SYNRG: variants seen among roughly 807,000 people sequenced by gnomAD.
The protein encoded by SYNRG is AP1 gamma subunit binding protein 1.
In SYNRG, 37 loss-of-function variants were observed where a neutral mutation model predicts 130.9. The observed-to-expected ratio is 0.28, with a 90% CI of 0.22 to 0.37. The LOEUF (loss-of-function observed/expected upper bound fraction) is 0.37, where lower values mean the gene tolerates loss of function less well. SYNRG is among the 10% of genes least tolerant of loss of function. The probability of loss-of-function intolerance (pLI) is 1.00; values close to 1 mark genes in which losing one functional copy is unlikely to be tolerated. For synonymous variants in SYNRG, 539 were observed against 568.1 expected, an observed-to-expected ratio of 0.95 and a Z score of 0.73; for missense variants, 1,338 against 1,588.9, an observed-to-expected ratio of 0.84 and a Z score of 2.68.
At chr17:37,560,053 A>C (rs564126222) in intron 13 of SYNRG, among the ~76,000 whole-genome samples, 1 of 152,038 alleles carries the variant, frequency 6.6e-6, no homozygotes, top group African/African-American at 2.4e-5. Flanking sequence ...GTGCACCACC[A>C]TATCTGGCTT....
chr17:37,601,869 TG>T (rs1668039048), intron 1 of SYNRG, among the ~76,000 whole-genome samples: 1 of 151,928 alleles, frequency 6.6e-6, no homozygotes, highest in East Asian at 2.0e-4. Flanking sequence ...TTCACCATGA[TG>T]GCCAGGCTGG....
intron 10 of SYNRG, among the ~76,000 whole-genome samples, chr17:37,570,073 C>A (rs186364172): frequency 2.0e-5 from 3 of 149,922 alleles, no homozygotes; most frequent in Non-Finnish European, 4.4e-5. Flanking sequence ...TTTGCTAATT[C>A]GAGTTACTAT....
At chr17:37,580,510 T>TGTGTGTGTGTGTGTGTGA (rs1384344164) in intron 6 of SYNRG, among the ~76,000 whole-genome samples, 165 of 127,700 alleles carry the variant, frequency 1.3e-3, no homozygotes, top group African/African-American at 5.6e-3. Flanking sequence ...TGTGTGTGTG[T>TGTGTGTGTGTGTGTGTGA]GAGAGAGAGA....
intron 3 of SYNRG, among the ~76,000 whole-genome samples, chr17:37,594,788 C>T (rs2062610365): frequency 6.6e-6 from 1 of 152,168 alleles, no homozygotes; most frequent in Admixed American, 6.5e-5. Context: ...AAGAGAACTA[C>T]ACATCCCTAT....
At chr17:37,591,069 T>TA (rs1394065151) in intron 3 of SYNRG, among the ~76,000 whole-genome samples, 1 of 152,096 alleles carries the variant, frequency 6.6e-6, no homozygotes, top group Non-Finnish European at 1.5e-5. Flanking sequence ...CTACCCATAT[T>TA]AAAAAATCCC....
At chr17:37,604,817 G>C (rs1448591278) in intron 1 of SYNRG, among the ~76,000 whole-genome samples, 1 of 152,174 alleles carries the variant, frequency 6.6e-6, no homozygotes, top group Non-Finnish European at 1.5e-5. Flanking sequence ...GGGTTAATCA[G>C]CCTAATTTCA....
intron 1 of SYNRG, among the ~76,000 whole-genome samples, chr17:37,604,959 G>A (rs2147150121): frequency 6.6e-6 from 1 of 152,244 alleles, no homozygotes; most frequent in East Asian, 1.9e-4. Context: ...TGGGTTTGTG[G>A]TGCTCCAAAA....
intron 1 of SYNRG, among the ~76,000 whole-genome samples, chr17:37,604,165 G>C (rs149201974): frequency 6.6e-6 from 1 of 151,744 alleles, no homozygotes; most frequent in Non-Finnish European, 1.5e-5. Flanking sequence ...ACTTGAACCC[G>C]GGAGGCGAAG....
At chr17:37,583,809 C>T (rs1342414016) in intron 6 of SYNRG, among the ~76,000 whole-genome samples, 1 of 152,168 alleles carries the variant, frequency 6.6e-6, no homozygotes, top group African/African-American at 2.4e-5. Context: ...ATTCTCCTGC[C>T]TCAGCTTCCC....
At chr17:37,593,527 T>G (rs1194735940) in intron 3 of SYNRG, among the ~76,000 whole-genome samples, 1 of 152,170 alleles carries the variant, frequency 6.6e-6, no homozygotes, top group African/African-American at 2.4e-5. Context: ...TGTCCCTGAT[T>G]GGTTAGGGCT....
chr17:37,516,890 C>A lies in SYNRG; in HGVS notation c.*2050G>T, dbSNP rs1338178998. 1.3e-5 allele frequency: 2 copies of A among 152,140 alleles called. No homozygotes were observed. Among genetic ancestry groups the A allele is most frequent in the Admixed American group, 6.5e-5 (1 of 15,286 alleles). The allele number at this position is 152,140 out of a possible 1,614,324, so 9.4% of individuals were successfully genotyped here. On this transcript the variant is annotated 3_prime_UTR_variant, in exon 22 of 22. Coordinates refer to ENST00000612223, the MANE Select transcript of SYNRG (RefSeq NM_007247.6). ...TGGTCTCTAACTCCTGGGAAACATT[C>A]TTATTGCAAAGGTAGATTCTGCTGT...
At chr17:37,539,385 TTTTG>T in intron 16 of SYNRG, 140 bp from the exon 17 acceptor site, 2 of 910,282 alleles carry the variant, frequency 2.2e-6, no homozygotes, top group South Asian at 1.7e-5. Context: ...TTTTTTTTGT[TTTTG>T]TTTTTGTTTT....
chr17:37,575,074 A>G (rs570609332), intron 8 of SYNRG, among the ~76,000 whole-genome samples: 4 of 152,262 alleles, frequency 2.6e-5, no homozygotes, highest in Non-Finnish European at 5.9e-5. Context: ...ATATATTCTC[A>G]TTCATTTGTG....
intron 4 of SYNRG, among the ~76,000 whole-genome samples, chr17:37,585,647 T>C (rs1190482401): frequency 1.3e-5 from 2 of 152,238 alleles, no homozygotes; most frequent in Non-Finnish European, 2.9e-5. Context: ...CTAAATTATG[T>C]ATATGAATTT....
At chr17:37,565,697 C>CGA (rs2059897402) in intron 11 of SYNRG, among the ~76,000 whole-genome samples, 1 of 151,396 alleles carries the variant, frequency 6.6e-6, no homozygotes, top group African/African-American at 2.4e-5. Context: ...TGCCCCGCCG[C>CGA]CCCATCTGGG....
chr17:37,564,649 C>A (rs2059787388), intron 11 of SYNRG, among the ~76,000 whole-genome samples: 1 of 152,184 alleles, frequency 6.6e-6, no homozygotes, highest in African/African-American at 2.4e-5. Context: ...CAAGTAATGC[C>A]CATTTTCTGT....
At chr17:37,542,633 A>G in intron 14 of SYNRG, 68 bp from the exon 15 acceptor site, 1 of 1,168,562 alleles carries the variant, frequency 8.6e-7, no homozygotes, top group Non-Finnish European at 1.2e-6. Flanking sequence ...AACTCTGTAG[A>G]AGCAAAATGC....
At chr17:37,551,460 G>A (rs1314516881) in intron 14 of SYNRG, among the ~76,000 whole-genome samples, 2 of 152,022 alleles carry the variant, frequency 1.3e-5, no homozygotes, top group African/African-American at 2.4e-5. Flanking sequence ...TCCAAGCTGA[G>A]GATGTTCCAA....
chr17:37,519,897 C>G (rs558574663), intron 21 of SYNRG, among the ~76,000 whole-genome samples: 1 of 152,302 alleles, frequency 6.6e-6, no homozygotes, highest in African/African-American at 2.4e-5. Flanking sequence ...ACTACAACTT[C>G]CAGGCTTCCA....
Sources: gnomAD v4.1 joint callset for allele counts (sites outside exome capture counted in the v4.1 genomes callset) on GRCh38, gnomAD v4.1.1 for gene constraint, MANE v1.5 for transcripts, NCBI Gene and HGNC (gene_info 2026-07-23, HGNC 2026-07-21) for gene names.